UTRN: variants seen among roughly 807,000 people sequenced by gnomAD.
UTRN encodes the protein dystrophin-related protein 1.
In UTRN, 283 loss-of-function variants were observed where a neutral mutation model predicts 463.9. The ratio of observed to expected loss-of-function variants is 0.61; its 90% confidence interval spans 0.55 to 0.67. The LOEUF (loss-of-function observed/expected upper bound fraction) is 0.67. UTRN is among the 30% of genes least tolerant of loss of function. The pLI is 0.00. For synonymous variants in UTRN, 1,442 were observed against 1,431.5 expected (o/e 1.01, Z -0.17); for missense variants, 3,922 against 4,084.3 (o/e 0.96, Z 1.08).
intron 51 of UTRN, among the ~76,000 whole-genome samples, chr6:144,644,156 C>T (rs971553613): frequency 6.6e-6 from 1 of 152,084 alleles, no homozygotes. Flanking sequence ...TATGTAGAAA[C>T]CTTATGCACA....
chr6:144,578,705 A>C (rs1263754390), intron 51 of UTRN, among the ~76,000 whole-genome samples: 3 of 152,136 alleles, frequency 2.0e-5, no homozygotes, highest in Non-Finnish European at 4.4e-5. Flanking sequence ...CAGAGATTAT[A>C]TTATCTGTAT....
At chr6:144,826,003 G>A (rs79571816) in intron 66 of UTRN, among the ~76,000 whole-genome samples, 2 of 120,420 alleles carry the variant, frequency 1.7e-5, no homozygotes, top group African/African-American at 3.1e-5. Context: ...GTTGTGGGGT[G>A]GGGGGAGGGG....
chr6:144,714,672 T>C (rs1300237710), intron 53 of UTRN, among the ~76,000 whole-genome samples: 1 of 152,198 alleles, frequency 6.6e-6, no homozygotes, highest in African/African-American at 2.4e-5. Context: ...TTCTGACACA[T>C]GTAACACAAT....
intron 54 of UTRN, among the ~76,000 whole-genome samples, chr6:144,747,057 A>T (rs1340753783): frequency 6.6e-6 from 1 of 152,230 alleles, no homozygotes; most frequent in African/African-American, 2.4e-5. Context: ...ATTTACACTG[A>T]GGATGAAAGT....
At chr6:144,454,994 T>TAGA (rs1338225649) in intron 19 of UTRN, among the ~76,000 whole-genome samples, 1 of 152,116 alleles carries the variant, frequency 6.6e-6, no homozygotes, top group African/African-American at 2.4e-5. Context: ...GTTTTGACCT[T>TAGA]AGATTATTTT....
At chr6:144,703,414 C>A (rs774040310) in intron 53 of UTRN, among the ~76,000 whole-genome samples, 21 of 152,216 alleles carry the variant, frequency 1.4e-4, no homozygotes, top group Middle Eastern at 6.8e-3. Context: ...TCAAAATTGT[C>A]AGCCTGTATA....
At chr6:144,578,055 T>C (rs1801610679) in intron 51 of UTRN, among the ~76,000 whole-genome samples, 4 of 151,882 alleles carry the variant, frequency 2.6e-5, no homozygotes, top group Admixed American at 2.0e-4. Flanking sequence ...ATACAAAAAT[T>C]AGTCGGGCGT....
intron 51 of UTRN, among the ~76,000 whole-genome samples, chr6:144,616,338 GT>G (rs1209686989): frequency 6.6e-6 from 1 of 152,078 alleles, no homozygotes; most frequent in East Asian, 1.9e-4. Flanking sequence ...AAGACAATTT[GT>G]TGGATACCTT....
At chr6:144,307,218 G>C (rs59786050) in intron 2 of UTRN, among the ~76,000 whole-genome samples, 6,216 of 152,262 alleles carry the variant, frequency 0.041, 421 homozygotes, top group African/African-American at 0.14. Context: ...ATATTTTTTA[G>C]TAGATATTAT....
At chr6:144,740,362 C>T (rs1789913104) in intron 54 of UTRN, among the ~76,000 whole-genome samples, 1 of 152,094 alleles carries the variant, frequency 6.6e-6, no homozygotes, top group African/African-American at 2.4e-5. Flanking sequence ...CACTGAAATA[C>T]CACGCTGCAT....
intron 23 of UTRN, among the ~76,000 whole-genome samples, chr6:144,472,327 T>G (rs78661122): frequency 1.3e-5 from 2 of 151,040 alleles, no homozygotes; most frequent in Admixed American, 6.6e-5. Context: ...TTTTTTTTTT[T>G]GGAGGAGGAA....
intron 39 of UTRN, among the ~76,000 whole-genome samples, chr6:144,520,573 TG>T (rs1474057138): frequency 6.6e-6 from 1 of 152,234 alleles, no homozygotes; most frequent in African/African-American, 2.4e-5. Context: ...GCTTCTAACC[TG>T]GCTATCCAGA....
At chr6:144,397,403 G>C (rs1333403688) in intron 2 of UTRN, among the ~76,000 whole-genome samples, 2 of 152,110 alleles carry the variant, frequency 1.3e-5, no homozygotes, top group South Asian at 2.1e-4. Context: ...GCATGTGCTT[G>C]CTTAAGGAGG....
At chr6:144,429,502 T>C (rs1018043235) in intron 8 of UTRN, 79 bp from the exon 9 acceptor site, 1 of 1,330,092 alleles carries the variant, frequency 7.5e-7, no homozygotes, top group Non-Finnish European at 1.0e-6. Flanking sequence ...TAAGGAGAGT[T>C]ATTTTATATC....
At chr6:144,759,932 A>G (rs889981441) in intron 58 of UTRN, among the ~76,000 whole-genome samples, 3 of 152,194 alleles carry the variant, frequency 2.0e-5, no homozygotes, top group Non-Finnish European at 4.4e-5. Flanking sequence ...TAATTAATTT[A>G]TTGAATTGAC....
In UTRN at chr6:144,772,016, GTTTTTTTTTTTTTT is replaced by G. The variant is rs748399313; in HGVS notation, c.8557+72_8557+85del. 2.3e-3 allele frequency: 293 copies of G among 127,550 alleles called. 2 individuals are homozygous for G. Among genetic ancestry groups the G allele is most frequent in the African/African-American group, 0.012 (170 of 14,118 alleles). 7.9% of individuals were successfully genotyped at this position (127,550 alleles called of 1,614,324 possible). On this transcript the variant is annotated intron_variant, in intron 59 of 74. Transcript: ENST00000367545. The stretch of plus-strand genomic sequence containing the variant: ...AATTAACCTAAACAACTGAGAACCG[GTTTTTTTTTTTTTT>G]TTTTTTTTTTTTTTTTTTTTTTTAA...
rs754325761 is a variant in UTRN at position 144,772,066 on chromosome 6, C to T, written c.8557+98C>T. ...TTTTTTTTTTTTTAAGGTGGATTCT[C>T]GCTGTTGCCCAGGCTGGAGTGCAGT... is the stretch of plus-strand genomic sequence containing the variant. On this transcript the variant is annotated intron_variant, in intron 59 of 74. Coordinates refer to ENST00000367545, the MANE Select transcript of UTRN (RefSeq NM_007124.3). 3.6e-4 allele frequency: 263 copies of T among 723,640 alleles called. 1 individual carries two copies. The highest frequency in any genetic ancestry group is 4.4e-4 in the Non-Finnish European group (236 of 535,886). 44.8% of individuals were successfully genotyped at this position (723,640 alleles called of 1,614,324 possible).
intron 53 of UTRN, among the ~76,000 whole-genome samples, chr6:144,717,794 C>G (rs1010600179): frequency 6.6e-6 from 1 of 151,670 alleles, no homozygotes; most frequent in African/African-American, 2.4e-5. Flanking sequence ...TGCCACCACA[C>G]CCAGCTAATT....
intron 52 of UTRN, among the ~76,000 whole-genome samples, chr6:144,694,406 A>G (rs998897382): frequency 6.6e-6 from 1 of 151,998 alleles, no homozygotes; most frequent in African/African-American, 2.4e-5. Flanking sequence ...GGCCTCAAAT[A>G]ATGAGTTAGG....
Sources: gnomAD v4.1 joint callset for allele counts (sites outside exome capture counted in the v4.1 genomes callset) on GRCh38, gnomAD v4.1.1 for gene constraint, MANE v1.5 for transcripts, NCBI Gene and HGNC (gene_info 2026-07-23, HGNC 2026-07-21) for gene names.